Variants in PPHLN1 observed in about 807,000 individuals in gnomAD.
The protein encoded by PPHLN1 is periphilin 1, also known as periphilin-1.
A neutral mutation model predicts 51.3 loss-of-function variants in PPHLN1; 29 were observed. The observed-to-expected ratio is 0.57, with a 90% CI of 0.42 to 0.77. The LOEUF is 0.77. Ranked by LOEUF, PPHLN1 falls within the 30% of genes least tolerant of loss-of-function variation. The pLI is 0.00. For synonymous variants in PPHLN1, 147 were observed against 147.8 expected (o/e 0.99, Z 0.04); for missense variants, 436 against 438.4 (o/e 0.99, Z 0.05).
At chr12:42,446,070 C>G (rs1269845744), downstream of PPHLN1, 2 of 1,546,960 alleles carry the variant, frequency 1.3e-6, no homozygotes, top group African/African-American at 2.7e-5. Flanking sequence ...CTGCAGGCCC[C>G]GCAGCCCCCG....
At chr12:42,422,778 G>C (rs1162918444) in intron 9 of PPHLN1, among the ~76,000 whole-genome samples, 8 of 152,108 alleles carry the variant, frequency 5.3e-5, no homozygotes, top group African/African-American at 1.9e-4. Context: ...CTAATAAATA[G>C]AAATACTGAG....
chr12:42,388,968 G>A (rs2708506), intron 7 of PPHLN1, among the ~76,000 whole-genome samples: 42,592 of 151,966 alleles, frequency 0.28, 7,322 homozygotes, highest in Non-Finnish European at 0.38. Flanking sequence ...GCCGGGCATG[G>A]TGGCTTACGC....
At chr12:42,406,083 C>T (rs1214777353) in intron 9 of PPHLN1, among the ~76,000 whole-genome samples, 4 of 124,944 alleles carry the variant, frequency 3.2e-5, no homozygotes, top group East Asian at 2.3e-4. Context: ...ATAGTTTAGT[C>T]TGGTTTTTTT....
chr12:42,434,653 A>G (rs950393175), intron 9 of PPHLN1, among the ~76,000 whole-genome samples: 5 of 152,094 alleles, frequency 3.3e-5, no homozygotes, highest in Non-Finnish European at 7.4e-5. Context: ...GAGTGAGGGT[A>G]CAGTAGGAGA....
At chr12:42,418,320 A>C (rs1306716645) in intron 9 of PPHLN1, among the ~76,000 whole-genome samples, 3 of 150,428 alleles carry the variant, frequency 2.0e-5, no homozygotes, top group Non-Finnish European at 4.4e-5. Flanking sequence ...AAAGATGAGC[A>C]CTGCAGAATA....
intron 9 of PPHLN1, among the ~76,000 whole-genome samples, chr12:42,412,639 T>A (rs1022434937): frequency 3.3e-5 from 5 of 152,310 alleles, no homozygotes; most frequent in Admixed American, 3.3e-4. Context: ...TTTGGATAGA[T>A]ATACAGTAGT....
intron 5 of PPHLN1, 178 bp downstream of exon 5, chr12:42,375,252 T>A (rs992467224): frequency 2.1e-5 from 10 of 472,742 alleles, no homozygotes; most frequent in African/African-American, 2.0e-4. Flanking sequence ...ACACATTTTT[T>A]TCAAACTATT....
At chr12:42,398,832 A>G (rs773157650) in intron 8 of PPHLN1, 22 bp from the exon 9 acceptor site, 166 of 1,609,078 alleles carry the variant, frequency 1.0e-4, no homozygotes, top group Non-Finnish European at 1.3e-4. Context: ...AAATAATTAA[A>G]GATTTCTAAT....
At chr12:42,420,609 T>A (rs1431151921) in intron 9 of PPHLN1, among the ~76,000 whole-genome samples, 1 of 151,060 alleles carries the variant, frequency 6.6e-6, no homozygotes, top group Non-Finnish European at 1.5e-5. Context: ...TAGCTGAGAT[T>A]ACAAGTGTGT....
At chr12:42,372,039 C>T in intron 4 of PPHLN1, among the ~76,000 whole-genome samples, 1 of 152,074 alleles carries the variant, frequency 6.6e-6, no homozygotes, top group Non-Finnish European at 1.5e-5. Flanking sequence ...CCCTCTCACC[C>T]TACTCCCCCT....
At chr12:42,379,353 A>G (rs886824399) in intron 5 of PPHLN1, among the ~76,000 whole-genome samples, 5 of 151,970 alleles carry the variant, frequency 3.3e-5, no homozygotes, top group African/African-American at 9.7e-5. Context: ...TCTACTTAAT[A>G]CTAGTTATTC....
intron 5 of PPHLN1, among the ~76,000 whole-genome samples, chr12:42,377,260 A>T (rs1302005462): frequency 6.6e-6 from 1 of 150,574 alleles, no homozygotes; most frequent in Non-Finnish European, 1.5e-5. Context: ...CATATCCAAA[A>T]TTAGCCAGAT....
chr12:42,380,373 C>T (rs530870372), intron 5 of PPHLN1, among the ~76,000 whole-genome samples: 12 of 152,162 alleles, frequency 7.9e-5, no homozygotes, highest in Non-Finnish European at 8.8e-5. Flanking sequence ...CTTACGTCAA[C>T]AGCCATTATT....
chr12:42,340,627 A>T (rs2071342708), intron 2 of PPHLN1, among the ~76,000 whole-genome samples: 1 of 152,202 alleles, frequency 6.6e-6, no homozygotes, highest in Non-Finnish European at 1.5e-5. Context: ...AAACAAGTGA[A>T]ACTAGCTGGG....
At chr12:42,439,012 C>T (rs2082714274) in intron 9 of PPHLN1, among the ~76,000 whole-genome samples, 1 of 152,190 alleles carries the variant, frequency 6.6e-6, no homozygotes, top group Admixed American at 6.5e-5. Context: ...ATGCCCTTAA[C>T]AGTGTCTTTC....
At chr12:42,387,254 G>T in intron 6 of PPHLN1, 1 of 446,096 alleles carries the variant, frequency 2.2e-6, no homozygotes, top group Non-Finnish European at 3.8e-6. Context: ...GATATCCTTT[G>T]GTTCCAGGTT....
At chr12:42,350,447 G>A (rs1280725814) in intron 2 of PPHLN1, among the ~76,000 whole-genome samples, 6 of 151,786 alleles carry the variant, frequency 4.0e-5, no homozygotes. Flanking sequence ...TAGATGGGAT[G>A]GCAGCCAGGA....
rs149310982 is a variant in PPHLN1, at chr12:42,432,310, T to G, written c.910-9005T>G. On this transcript the variant is annotated intron_variant, in intron 9 of 9. Coordinates refer to ENST00000358314, the MANE Select transcript of PPHLN1 (RefSeq NM_201439.2). ...TATGAGACCTAGAACCAATCTGTTA[T>G]GGCTGCTCATTAATCTGTAGGCATT... 2.9e-4 allele frequency: 216 copies of G among 747,600 alleles called. No individual in the cohort carries two copies. The African/African-American group carries it at 3.2e-3, about 11-fold the overall frequency. The allele number at this position is 747,600 out of a possible 1,614,324, so 46.3% of individuals were successfully genotyped here.
chr12:42,362,384 A>G (rs551291172), intron 4 of PPHLN1, among the ~76,000 whole-genome samples: 231 of 152,176 alleles, frequency 1.5e-3, no homozygotes, highest in Non-Finnish European at 2.7e-3. Context: ...ATGAAGTCCA[A>G]TTTATCTAAT....
Sources: gnomAD v4.1 joint callset for allele counts (sites outside exome capture counted in the v4.1 genomes callset) on GRCh38, gnomAD v4.1.1 for gene constraint, MANE v1.5 for transcripts, NCBI Gene and HGNC (gene_info 2026-07-23, HGNC 2026-07-21) for gene names.